LRBA: variants seen among roughly 807,000 people sequenced by gnomAD.
LRBA encodes LPS responsive beige-like anchor protein.
Under a neutral mutation model 330.0 loss-of-function variants are expected in LRBA, and 176 were observed. That is an observed-to-expected ratio of 0.53 (90% CI 0.47 to 0.60). LRBA has a LOEUF of 0.60. Ranked by LOEUF, LRBA falls within the 20% of genes least tolerant of loss-of-function variation. The pLI is 0.00. For missense variants in LRBA, 3,259 were observed against 3,444.8 expected (o/e 0.95, Z 1.35); for synonymous variants, 1,230 against 1,193.0 (o/e 1.03, Z -0.64).
intron 44 of LRBA, among the ~76,000 whole-genome samples, chr4:150,449,544 A>G (rs1419827428): frequency 6.6e-6 from 1 of 151,832 alleles, no homozygotes; most frequent in Admixed American, 6.6e-5. Flanking sequence ...AAAAACCAGA[A>G]AAGTACATAA....
At chr4:150,502,226 A>G (rs1442216422) in intron 40 of LRBA, among the ~76,000 whole-genome samples, 2 of 152,216 alleles carry the variant, frequency 1.3e-5, no homozygotes, top group Non-Finnish European at 2.9e-5. Flanking sequence ...CTCATGATTC[A>G]TGGAGCACTG....
chr4:150,891,558 G>A (rs1054188438), intron 17 of LRBA, among the ~76,000 whole-genome samples: 1 of 152,188 alleles, frequency 6.6e-6, no homozygotes, highest in African/African-American at 2.4e-5. Context: ...CTTGGAGAAA[G>A]AGAAAATTCA....
At chr4:150,418,449 A>C (rs1748099840) in intron 46 of LRBA, among the ~76,000 whole-genome samples, 2 of 152,328 alleles carry the variant, frequency 1.3e-5, no homozygotes, top group South Asian at 4.1e-4. Flanking sequence ...GAAGAAAGCA[A>C]TTTCAAACTT....
intron 34 of LRBA, among the ~76,000 whole-genome samples, chr4:150,762,862 A>G (rs947735819): frequency 1.3e-5 from 2 of 151,930 alleles, no homozygotes; most frequent in Non-Finnish European, 2.9e-5. Context: ...TCTGAGTGTA[A>G]TAACTCTAAG....
chr4:150,557,292 G>C (rs1052337434), intron 40 of LRBA, among the ~76,000 whole-genome samples: 3 of 152,130 alleles, frequency 2.0e-5, no homozygotes, highest in Admixed American at 6.5e-5. Flanking sequence ...TGAGTCCATA[G>C]CAATAATAGA....
chr4:150,358,559 G>A (rs1738209166), intron 47 of LRBA, among the ~76,000 whole-genome samples: 1 of 151,650 alleles, frequency 6.6e-6, no homozygotes, highest in African/African-American at 2.4e-5. Context: ...AGTATCCCTA[G>A]AAACTTAATG....
chr4:150,854,522 G>C (rs1344875818), intron 22 of LRBA, among the ~76,000 whole-genome samples: 1 of 152,102 alleles, frequency 6.6e-6, no homozygotes, highest in Non-Finnish European at 1.5e-5. Flanking sequence ...ATATTCTAAA[G>C]AAGGTGTCAG....
At chr4:150,387,687 G>C (rs79271602) in intron 47 of LRBA, among the ~76,000 whole-genome samples, 4,523 of 152,176 alleles carry the variant, frequency 0.03, 158 homozygotes, top group East Asian at 0.18. Flanking sequence ...GGGTGAGGAG[G>C]GGGTGGAGTC....
intron 38 of LRBA, among the ~76,000 whole-genome samples, chr4:150,591,182 A>G (rs1291653520): frequency 6.6e-6 from 1 of 152,210 alleles, no homozygotes; most frequent in Non-Finnish European, 1.5e-5. Context: ...CATTAATAGG[A>G]ACAATCAAAT....
intron 48 of LRBA, among the ~76,000 whole-genome samples, chr4:150,338,920 C>T (rs1227218482): frequency 5.9e-5 from 9 of 151,578 alleles, no homozygotes; most frequent in Non-Finnish European, 1.3e-4. Context: ...ACATGTATTG[C>T]TTTGATAAAT....
chr4:150,496,211 T>C (rs985783989), intron 40 of LRBA, among the ~76,000 whole-genome samples: 1 of 152,166 alleles, frequency 6.6e-6, no homozygotes, highest in African/African-American at 2.4e-5. Flanking sequence ...TAGTATACTA[T>C]TAACACATAA....
intron 8 of LRBA, among the ~76,000 whole-genome samples, 176 bp downstream of exon 8, chr4:150,915,432 G>A (rs1258511914): frequency 1.3e-5 from 2 of 151,962 alleles, no homozygotes; most frequent in African/African-American, 4.8e-5. Flanking sequence ...TTATAACAAG[G>A]ACTAATATTT....
intron 36 of LRBA, among the ~76,000 whole-genome samples, chr4:150,707,324 A>G (rs1266603554): frequency 6.6e-6 from 1 of 151,762 alleles, no homozygotes; most frequent in African/African-American, 2.4e-5. Flanking sequence ...TAGACATGAG[A>G]TTGTTAAAAC....
chr4:151,013,208 A>C (rs1039365999), intron 2 of LRBA: 1 of 152,244 alleles, frequency 6.6e-6, no homozygotes, highest in African/African-American at 2.4e-5. Flanking sequence ...AAAGGTGCTA[A>C]ACAGTTATTA....
intron 40 of LRBA, among the ~76,000 whole-genome samples, chr4:150,561,932 A>G (rs1768399152): frequency 6.6e-6 from 1 of 152,198 alleles, no homozygotes; most frequent in African/African-American, 2.4e-5. Flanking sequence ...TCTATGCTTT[A>G]GAATATAATA....
intron 37 of LRBA, among the ~76,000 whole-genome samples, chr4:150,622,060 GTTTA>G (rs1021688620): frequency 2.6e-5 from 4 of 152,180 alleles, no homozygotes; most frequent in African/African-American, 9.6e-5. Context: ...GCAGCAGCAT[GTTTA>G]TTTTTCTTTA....
At chr4:150,887,505 G>A (rs2127074540) in intron 17 of LRBA, among the ~76,000 whole-genome samples, 1 of 152,172 alleles carries the variant, frequency 6.6e-6, no homozygotes, top group South Asian at 2.1e-4. Context: ...CGGGTGTGGT[G>A]GCTCACGTCT....
chr4:150,518,977 GT>G (rs1762644338), intron 40 of LRBA, among the ~76,000 whole-genome samples: 1 of 151,992 alleles, frequency 6.6e-6, no homozygotes, highest in African/African-American at 2.4e-5. Context: ...AACATTAATA[GT>G]CCCACATTTG....
At chr4:150,780,166 C>A (rs1463629023) in intron 34 of LRBA, among the ~76,000 whole-genome samples, 1 of 152,074 alleles carries the variant, frequency 6.6e-6, no homozygotes, top group Non-Finnish European at 1.5e-5. Context: ...TAAACTGGCA[C>A]TATGTATTCA....
Sources: gnomAD v4.1 joint callset for allele counts (sites outside exome capture counted in the v4.1 genomes callset) on GRCh38, gnomAD v4.1.1 for gene constraint, MANE v1.5 for transcripts, NCBI Gene and HGNC (gene_info 2026-07-23, HGNC 2026-07-21) for gene names.